The following ADAMTS12 variants were observed in gnomAD, a reference collection of about 807,000 sequenced individuals.
ADAMTS12 encodes A disintegrin and metalloproteinase with thrombospondin motifs 12.
In ADAMTS12, 118 loss-of-function variants were observed where a neutral mutation model predicts 167.8. The ratio of observed to expected loss-of-function variants is 0.70; its 90% CI spans 0.61 to 0.82. The LOEUF is 0.82. ADAMTS12 is among the 40% of genes least tolerant of loss of function. The pLI, the probability that ADAMTS12 is intolerant of heterozygous loss-of-function variation, is 0.00. For synonymous variants in ADAMTS12, 704 were observed against 716.9 expected, an observed-to-expected ratio of 0.98 and a Z score of 0.29; for missense variants, 1,916 against 1,998.8, an observed-to-expected ratio of 0.96 and a Z score of 0.79.
intron 13 of ADAMTS12, among the ~76,000 whole-genome samples, chr5:33,630,291 CTT>C (rs1326018312): frequency 6.6e-6 from 1 of 152,112 alleles, no homozygotes; most frequent in Non-Finnish European, 1.5e-5. Context: ...TTTATATAGA[CTT>C]GATTAATGAA....
chr5:33,537,632 A>G (rs1426301221), intron 22 of ADAMTS12, among the ~76,000 whole-genome samples: 1 of 152,212 alleles, frequency 6.6e-6, no homozygotes, highest in East Asian at 1.9e-4. Context: ...TCCTGCAGAG[A>G]TGAGGCTGTT....
intron 16 of ADAMTS12, among the ~76,000 whole-genome samples, chr5:33,596,572 C>T (rs575868601): frequency 6.6e-6 from 1 of 152,264 alleles, no homozygotes; most frequent in South Asian, 2.1e-4. Context: ...ATCTCAGCTA[C>T]TTGGGAGGCT....
chr5:33,571,554 C>T (rs1746349296), intron 19 of ADAMTS12, among the ~76,000 whole-genome samples: 1 of 151,980 alleles, frequency 6.6e-6, no homozygotes, highest in Admixed American at 6.5e-5. Flanking sequence ...CCAACGAGAA[C>T]AAAGACACCA....
At position 33,576,610 on chromosome 5, in the gene ADAMTS12, G is replaced by A. The variant is rs1456611609; in HGVS notation, c.3416C>T (p.Pro1139Leu). The A allele has an allele frequency of 1.2e-6, 2 of 1,614,222 alleles. No homozygotes were observed. The highest frequency in any genetic ancestry group is 8.5e-7 in the Non-Finnish European group (1 of 1,180,038). The change falls in exon 19 of 24, where the codon CCT becomes CTT. Residue 1139 changes from proline to leucine, a missense_variant. Pro to Leu is a moderately conservative substitution (Grantham distance 98). Coordinates refer to ENST00000504830, the MANE Select transcript of ADAMTS12 (RefSeq NM_030955.4). Reference protein sequence around the residue: ...LSSSRNPITWPVTPFYNTLTK... With the variant: ...LSSSRNPITWLVTPFYNTLTK... ...CAAGGTATTGTAAAATGGAGTCACA[G>A]GCCAAGTGATAGGGTTGCGGGAAGA...
intron 2 of ADAMTS12, among the ~76,000 whole-genome samples, chr5:33,815,907 C>A (rs1445910): frequency 5.3e-5 from 8 of 152,124 alleles, no homozygotes; most frequent in African/African-American, 7.2e-5. Flanking sequence ...GTTCACATAC[C>A]AAGAAAATGT....
intron 3 of ADAMTS12, among the ~76,000 whole-genome samples, chr5:33,697,451 C>T (rs1182870565): frequency 6.6e-6 from 1 of 152,194 alleles, no homozygotes. Context: ...AGCAACTTTA[C>T]TGCCATTAAG....
At chr5:33,660,206 T>C (rs534737554) in intron 6 of ADAMTS12, among the ~76,000 whole-genome samples, 3 of 152,122 alleles carry the variant, frequency 2.0e-5, no homozygotes, top group Non-Finnish European at 4.4e-5. Context: ...GGAAGGAAAG[T>C]GACTATAAGA....
At chr5:33,586,459 A>G in intron 18 of ADAMTS12, among the ~76,000 whole-genome samples, 1 of 152,240 alleles carries the variant, frequency 6.6e-6, no homozygotes, top group East Asian at 1.9e-4. Flanking sequence ...TGGTCCATTG[A>G]CTATGCAATG....
At chr5:33,767,309 A>G (rs1051301805) in intron 2 of ADAMTS12, among the ~76,000 whole-genome samples, 1 of 152,196 alleles carries the variant, frequency 6.6e-6, no homozygotes, top group Non-Finnish European at 1.5e-5. Flanking sequence ...ACTTTCAGTA[A>G]AAATTCTGAA....
intron 2 of ADAMTS12, among the ~76,000 whole-genome samples, chr5:33,840,534 T>C (rs1748710605): frequency 2.0e-5 from 3 of 152,160 alleles, no homozygotes; most frequent in Non-Finnish European, 4.4e-5. Flanking sequence ...GTGGAGATGA[T>C]AATGGTACCA....
chr5:33,684,821 A>G (rs1742266369), intron 3 of ADAMTS12, among the ~76,000 whole-genome samples: 1 of 152,260 alleles, frequency 6.6e-6, no homozygotes, highest in Non-Finnish European at 1.5e-5. Context: ...TGATAAAGAA[A>G]GTCAGACAGT....
At chr5:33,737,347 G>A (rs990073185) in intron 3 of ADAMTS12, among the ~76,000 whole-genome samples, 3 of 152,216 alleles carry the variant, frequency 2.0e-5, no homozygotes, top group Non-Finnish European at 4.4e-5. Flanking sequence ...GAGGCCAGAT[G>A]TGTTTTGGAA....
chr5:33,766,255 G>A (rs1193085916), intron 2 of ADAMTS12, among the ~76,000 whole-genome samples: 1 of 152,152 alleles, frequency 6.6e-6, no homozygotes, highest in East Asian at 1.9e-4. Context: ...ACTGATACAT[G>A]TGCCCTAGAT....
intron 19 of ADAMTS12, among the ~76,000 whole-genome samples, chr5:33,567,734 T>C (rs1746083492): frequency 6.6e-6 from 1 of 152,248 alleles, no homozygotes; most frequent in Non-Finnish European, 1.5e-5. Context: ...GGCCTCAATG[T>C]TATTTTAAAT....
At chr5:33,885,057 A>G (rs1750588940) in intron 1 of ADAMTS12, among the ~76,000 whole-genome samples, 1 of 152,252 alleles carries the variant, frequency 6.6e-6, no homozygotes, top group Non-Finnish European at 1.5e-5. Flanking sequence ...TATTTGTTAT[A>G]CTTAGAAAAC....
At chr5:33,838,715 G>C (rs1342432277) in intron 2 of ADAMTS12, among the ~76,000 whole-genome samples, 3 of 152,046 alleles carry the variant, frequency 2.0e-5, no homozygotes, top group African/African-American at 7.2e-5. Flanking sequence ...AAGTAACAGG[G>C]AAGTGGAGAG....
In ADAMTS12 at chr5:33,708,396, C is replaced by T. The variant is rs192491562; in HGVS notation, c.635-24341G>A. 2.4e-3 allele frequency among the ~76,000 whole-genome samples: 373 copies of T among 152,258 alleles called. 11 individuals are homozygous for T. Among genetic ancestry groups the T allele is most frequent in the Non-Finnish European group, 4.4e-4 (30 of 68,028 alleles). On this transcript the variant is annotated intron_variant, in intron 3 of 23. Coordinates refer to ENST00000504830, the MANE Select transcript of ADAMTS12 (RefSeq NM_030955.4). Reference sequence around the variant, plus strand: ...TGTGGAAGACAGTGTGGAGATTCCTCAAGGATCTAGAACCAGAAATACCAT... The same window carrying T: ...TGTGGAAGACAGTGTGGAGATTCCTTAAGGATCTAGAACCAGAAATACCAT...
At chr5:33,865,420 C>T (rs532101441) in intron 2 of ADAMTS12, among the ~76,000 whole-genome samples, 2 of 152,184 alleles carry the variant, frequency 1.3e-5, no homozygotes, top group Admixed American at 6.5e-5. Flanking sequence ...TCCCGCATTG[C>T]TTTATGATAA....
At chr5:33,559,882 A>G (rs894801687) in intron 20 of ADAMTS12, among the ~76,000 whole-genome samples, 5 of 152,180 alleles carry the variant, frequency 3.3e-5, no homozygotes, top group African/African-American at 4.8e-5. Context: ...TCCATCTCAA[A>G]AAAATAAAAA....
Sources: allele counts gnomAD v4.1 joint callset (sites outside exome capture counted in the v4.1 genomes callset), GRCh38; gene constraint gnomAD v4.1.1; transcripts MANE v1.5; gene names NCBI Gene and HGNC (gene_info 2026-07-23, HGNC 2026-07-21).